M1AP: variants seen among roughly 807,000 people sequenced by gnomAD.
M1AP encodes the protein meiosis 1 associated protein.
M1AP carries 39 observed loss-of-function variants against 51.2 expected under a neutral mutation model. The observed-to-expected ratio is 0.76, with a 90% CI of 0.59 to 1.00. The LOEUF (loss-of-function observed/expected upper bound fraction) is 1.00, where lower values mean the gene tolerates loss of function less well. M1AP is among the 50% of genes least tolerant of loss of function. The pLI, the probability that M1AP is intolerant of heterozygous loss-of-function variation, is 0.00. For synonymous variants in M1AP, 251 were observed against 249.2 expected (o/e 1.01, Z -0.07); for missense variants, 545 against 641.2 (o/e 0.85, Z 1.62).
Position 74,591,698 on chromosome 2 carries a change from A to C in M1AP, c.596-9851T>G, listed in dbSNP as rs139736940. Among the ~76,000 whole-genome samples, 210 of 152,334 alleles carry C rather than the reference A, an allele frequency of 1.4e-3. 1 individual carries two copies. The East Asian group carries it at 0.027, about 20-fold the overall frequency. ...TTGAGGTGAAAATAAATGTAAGTGG[A>C]GCCATGAAAGAAAAGACTTACTTGG... On this transcript the variant is annotated intron_variant, in intron 4 of 10. Transcript: ENST00000421985.
chr2:74,596,586 G>GAACAAC lies in M1AP; in HGVS notation c.595+10463_595+10468dup, dbSNP rs202200009. Among the ~76,000 whole-genome samples the GAACAAC allele has an allele frequency of 1.1e-3, 163 of 150,690 alleles. 2 individuals carry two copies. Among genetic ancestry groups the GAACAAC allele is most frequent in the East Asian group, 8.8e-3 (45 of 5,100 alleles). On this transcript the variant is annotated intron_variant, in intron 4 of 10. Transcript: ENST00000421985. ...AAAAGAGCGAGACTCCATCTCAAAA[G>GAACAAC]AACAACAACAACAACAACAACAACA...
chr2:74,612,781 G>C (rs56012835), intron 3 of M1AP, among the ~76,000 whole-genome samples: 1 of 152,166 alleles, frequency 6.6e-6, no homozygotes. Flanking sequence ...TCAGGAGCAT[G>C]TGGTTTAATG....
At chr2:74,602,221 A>T (rs1573125896) in intron 4 of M1AP, among the ~76,000 whole-genome samples, 1 of 152,040 alleles carries the variant, frequency 6.6e-6, no homozygotes, top group Non-Finnish European at 1.5e-5. Flanking sequence ...TTTTTCAATC[A>T]TTCATTTGTT....
intron 4 of M1AP, among the ~76,000 whole-genome samples, chr2:74,603,007 T>C (rs1680759369): frequency 6.6e-6 from 1 of 152,188 alleles, no homozygotes; most frequent in South Asian, 2.1e-4. Context: ...AAGAACATAG[T>C]CCATGCCTGA....
At chr2:74,563,943 G>C (rs1482871726) in intron 7 of M1AP, among the ~76,000 whole-genome samples, 1 of 152,184 alleles carries the variant, frequency 6.6e-6, no homozygotes, top group Non-Finnish European at 1.5e-5. Flanking sequence ...TATGGAGTTA[G>C]AACTATCATA....
At chr2:74,579,218 C>T (rs972398021) in intron 5 of M1AP, among the ~76,000 whole-genome samples, 4 of 152,338 alleles carry the variant, frequency 2.6e-5, no homozygotes, top group Admixed American at 6.5e-5. Flanking sequence ...TTCTGATTAG[C>T]ACCATGGGCA....
Position 74,580,375 on chromosome 2 carries a change from T to TA in M1AP, c.769+1298dup, listed in dbSNP as rs372753795. Among the ~76,000 whole-genome samples the TA allele has an allele frequency of 3.3e-5, 5 of 152,328 alleles. 1 individual carries two copies. The highest frequency in any genetic ancestry group is 1.2e-4 in the African/African-American group (5 of 41,562). On this transcript the variant is annotated intron_variant, in intron 5 of 10. Coordinates refer to ENST00000421985, the MANE Select transcript of M1AP (RefSeq NM_001321739.2). ...GGATAGGACAGGGAGAAATTGGTAC[T>TA]ATCAGCCTTGGACAAAAGAGGTGGA...
chr2:74,631,963 AG>A (rs1682732226), intron 2 of M1AP, among the ~76,000 whole-genome samples: 1 of 152,256 alleles, frequency 6.6e-6, no homozygotes, highest in South Asian at 2.1e-4. Context: ...ATATTTATAT[AG>A]GTCAGTGACA....
intron 5 of M1AP, among the ~76,000 whole-genome samples, chr2:74,578,521 A>C (rs909673282): frequency 6.6e-6 from 1 of 152,128 alleles, no homozygotes; most frequent in Non-Finnish European, 1.5e-5. Context: ...GAAATACCCA[A>C]ACTGTGGTCT....
At chr2:74,610,536 A>G (rs1681274808) in intron 3 of M1AP, among the ~76,000 whole-genome samples, 1 of 152,114 alleles carries the variant, frequency 6.6e-6, no homozygotes, top group Non-Finnish European at 1.5e-5. Flanking sequence ...GCAATCTTGA[A>G]TTTCTGGGCT....
intron 4 of M1AP, among the ~76,000 whole-genome samples, chr2:74,605,048 CT>C (rs200728773): frequency 1.0e-4 from 15 of 149,550 alleles, no homozygotes; most frequent in East Asian, 7.8e-4. Context: ...CAAAACTAGA[CT>C]TTTTTTTTTC....
At position 74,562,177 on chromosome 2, in the gene M1AP, C is replaced by A. The variant is rs777102056; in HGVS notation, c.1281+40G>T. The A allele has an allele frequency of 3.2e-6, 5 of 1,557,176 alleles. No individual in the cohort carries two copies. In the Middle Eastern group the frequency reaches 5.7e-4, roughly 177 times the overall value. Reference sequence around the variant, plus strand: ...CCTCATCCCTTTCTCAAACTCCATTCGCTTCTAGATCTGTCCCATGAGATC... The same window carrying A: ...CCTCATCCCTTTCTCAAACTCCATTAGCTTCTAGATCTGTCCCATGAGATC... On this transcript the variant is annotated intron_variant, in intron 8 of 10. Transcript: ENST00000421985.
chr2:74,639,936 C>T lies in M1AP; in HGVS notation c.240+100G>A, dbSNP rs570921756. On this transcript the variant is annotated intron_variant, in intron 2 of 10. Transcript: ENST00000421985. ...GGCTACTGTGTGTGGAGAAGTAGTG[C>T]GGTTATTGTTATAAGTATTAATAAC... 93 of 1,028,936 alleles carry T rather than the reference C, an allele frequency of 9.0e-5. No homozygotes were observed. The South Asian group carries it at 1.1e-3, about 12-fold the overall frequency. The allele number at this position is 1,028,936 out of a possible 1,614,324, so 63.7% of individuals were successfully genotyped here. A position where few individuals can be genotyped will look rare whatever the true frequency, so the allele number is the denominator to read the frequency against.
At chr2:74,643,631 C>T (rs1388764238) in intron 1 of M1AP, among the ~76,000 whole-genome samples, 1 of 149,874 alleles carries the variant, frequency 6.7e-6, no homozygotes, top group Non-Finnish European at 1.5e-5. Context: ...CGCTCCATCG[C>T]CCAGGCTGGA....
chr2:74,587,864 G>A (rs1225717306), intron 4 of M1AP, among the ~76,000 whole-genome samples: 4 of 152,096 alleles, frequency 2.6e-5, no homozygotes, highest in Admixed American at 1.3e-4. Context: ...GCCCTCCTGC[G>A]GCCACAATGG....
At position 74,632,259 on chromosome 2, in the gene M1AP, TGCACAGCCAATGCACTGCA is replaced by T. The variant is rs1236253454; in HGVS notation, c.240+7758_240+7776del. On this transcript the variant is annotated intron_variant, in intron 2 of 10. Coordinates refer to ENST00000421985, the MANE Select transcript of M1AP (RefSeq NM_001321739.2). ...GCTGCCTTTGCCACACCAGACTTGGTGCACAGCCAATGCACTGCAGTCTCTGTAGGGAGTTGCAGTCAAG... is the reference window on the plus strand; with the variant it reads ...GCTGCCTTTGCCACACCAGACTTGGTGTCTCTGTAGGGAGTTGCAGTCAAG... Among the ~76,000 whole-genome samples, 13 of 152,330 alleles carry T rather than the reference TGCACAGCCAATGCACTGCA, an allele frequency of 8.5e-5. No individual in the cohort carries two copies. In the East Asian group the frequency reaches 2.5e-3, roughly 29 times the overall value.
At chr2:74,561,229 G>GAGGAGGAGGAGGAGA (rs1677976253) in intron 8 of M1AP, among the ~76,000 whole-genome samples, 1 of 117,778 alleles carries the variant, frequency 8.5e-6, no homozygotes, top group African/African-American at 3.8e-5. Context: ...GGAGGAGGAG[G>GAGGAGGAGGAGGAGA]AGAAGGAGGA....
At chr2:74,560,067 TG>T in intron 9 of M1AP, 83 bp downstream of exon 9, 1 of 1,403,690 alleles carries the variant, frequency 7.1e-7, no homozygotes, top group Non-Finnish European at 9.7e-7. Flanking sequence ...GGTGTTGGGA[TG>T]GGGGAGGAGG....
intron 2 of M1AP, among the ~76,000 whole-genome samples, chr2:74,617,850 T>G (rs1315133095): frequency 6.6e-6 from 1 of 152,202 alleles, no homozygotes; most frequent in Non-Finnish European, 1.5e-5. Context: ...ACTCTTAGCA[T>G]TTCTAGTGTT....
Sources: gnomAD v4.1 joint callset for allele counts (sites outside exome capture counted in the v4.1 genomes callset) on GRCh38, gnomAD v4.1.1 for gene constraint, MANE v1.5 for transcripts, NCBI Gene and HGNC (gene_info 2026-07-23, HGNC 2026-07-21) for gene names.